Variants in KAZN observed in about 807,000 individuals in gnomAD.
The protein encoded by KAZN is kazrin.
A neutral mutation model predicts 87.4 loss-of-function variants in KAZN; 40 were observed. The observed-to-expected ratio is 0.46, with a 90% CI of 0.36 to 0.60. The LOEUF (loss-of-function observed/expected upper bound fraction) is 0.60. KAZN is among the 20% of genes least tolerant of loss of function. The pLI is 0.00. For missense variants in KAZN, 898 were observed against 1,073.9 expected (o/e 0.84, Z 2.29); for synonymous variants, 466 against 458.3 (o/e 1.02, Z -0.22).
chr1:14,638,500 C>T (rs1011848896), intron 1 of KAZN, among the ~76,000 whole-genome samples: 70 of 148,612 alleles, frequency 4.7e-4, no homozygotes, highest in African/African-American at 1.6e-3. Context: ...ACCTGGGAGG[C>T]GGAGGTTGCA....
intron 2 of KAZN, among the ~76,000 whole-genome samples, chr1:14,363,959 C>T (rs552974671): frequency 1.2e-4 from 15 of 126,880 alleles, no homozygotes; most frequent in South Asian, 5.5e-4. Context: ...AGAGCCTTTA[C>T]TCACAATATT....
At chr1:14,059,337 GC>G (rs761763195) in intron 1 of KAZN, among the ~76,000 whole-genome samples, 1 of 152,190 alleles carries the variant, frequency 6.6e-6, no homozygotes. Context: ...AGGCCTGAGA[GC>G]CCCTGGCAAA....
intron 2 of KAZN, among the ~76,000 whole-genome samples, chr1:14,203,296 A>G (rs1037752226): frequency 2.0e-5 from 3 of 152,134 alleles, no homozygotes; most frequent in Admixed American, 1.3e-4. Flanking sequence ...CTTCATTAGA[A>G]GTGGATAATA....
chr1:14,717,231 C>T (rs898910563), intron 1 of KAZN, among the ~76,000 whole-genome samples: 2 of 151,898 alleles, frequency 1.3e-5, no homozygotes, highest in African/African-American at 4.8e-5. Context: ...GTGTGTTCAT[C>T]TCATGTGTCC....
intron 1 of KAZN, among the ~76,000 whole-genome samples, chr1:14,016,654 C>T (rs1640588148): frequency 6.6e-6 from 1 of 152,132 alleles, no homozygotes; most frequent in Admixed American, 6.5e-5. Context: ...CCATAAGCTG[C>T]TCCCCAAATA....
chr1:14,396,260 A>T (rs574687205), intron 2 of KAZN, among the ~76,000 whole-genome samples: 1 of 152,100 alleles, frequency 6.6e-6, no homozygotes, highest in South Asian at 2.1e-4. Context: ...CTTAGAAAAG[A>T]TATCTACAAA....
intron 1 of KAZN, among the ~76,000 whole-genome samples, chr1:13,945,502 C>A (rs1194661511): frequency 6.8e-6 from 1 of 147,924 alleles, no homozygotes. Flanking sequence ...TAGAATTGAT[C>A]AGGAATGTGA....
intron 2 of KAZN, among the ~76,000 whole-genome samples, chr1:14,521,315 G>T (rs778889611): frequency 1.3e-5 from 2 of 152,200 alleles, no homozygotes; most frequent in African/African-American, 4.8e-5. Flanking sequence ...AAACAGAAAT[G>T]TCGCCCTCAC....
Position 14,162,824 on chromosome 1 carries a change from G to A in KAZN, c.92-17611G>A, listed in dbSNP as rs1409773721. ...CTCCCAAAGTGCTGGGATTACAGGC[G>A]TGAGCCACCACGCTTGGCCGGCTTT... On this transcript the variant is annotated intron_variant, in intron 1 of 16. Coordinates refer to the KAZN transcript ENST00000636203. Among the ~76,000 whole-genome samples, 16 of 152,226 alleles carry A rather than the reference G, an allele frequency of 1.1e-4. No individual in the cohort carries two copies. The East Asian group carries it at 2.1e-3, about 20-fold the overall frequency.
At chr1:14,681,707 C>T (rs1412788201) in intron 1 of KAZN, among the ~76,000 whole-genome samples, 3 of 100,550 alleles carry the variant, frequency 3.0e-5, no homozygotes, top group African/African-American at 1.2e-4. Flanking sequence ...GACGGAGTCT[C>T]GCTCTGTCGC....
At chr1:14,626,941 T>A (rs1679186776) in intron 1 of KAZN, among the ~76,000 whole-genome samples, 2 of 152,154 alleles carry the variant, frequency 1.3e-5, no homozygotes, top group South Asian at 4.1e-4. Context: ...ACTGTGCTCC[T>A]ACTGTGTGCC....
chr1:14,259,990 G>A (rs1355538548), intron 2 of KAZN, among the ~76,000 whole-genome samples: 1 of 152,126 alleles, frequency 6.6e-6, no homozygotes, highest in Non-Finnish European at 1.5e-5. Context: ...AATGGAACGG[G>A]GTTGTGGACT....
At chr1:15,030,304 G>C (rs1157227140) in intron 2 of KAZN, among the ~76,000 whole-genome samples, 1 of 152,056 alleles carries the variant, frequency 6.6e-6, no homozygotes, top group Non-Finnish European at 1.5e-5. Flanking sequence ...GTCTCACTCT[G>C]TCTCCCAGGT....
At chr1:14,460,997 C>A (rs573688528) in intron 2 of KAZN, among the ~76,000 whole-genome samples, 1 of 152,158 alleles carries the variant, frequency 6.6e-6, no homozygotes, top group African/African-American at 2.4e-5. Context: ...CTGGACCCTG[C>A]GCTGTCGTCT....
At chr1:14,897,787 G>C (rs951857847) in intron 1 of KAZN, among the ~76,000 whole-genome samples, 3 of 152,286 alleles carry the variant, frequency 2.0e-5, no homozygotes, top group Admixed American at 6.5e-5. Context: ...CCAGCCTTCT[G>C]CAGATGTGTG....
chr1:14,667,134 G>T (rs183204997), intron 1 of KAZN, among the ~76,000 whole-genome samples: 178 of 152,324 alleles, frequency 1.2e-3, no homozygotes, highest in African/African-American at 4.0e-3. Context: ...TGAGATTCCA[G>T]ATGGATGTGA....
chr1:14,796,751 C>T (rs564628136), intron 1 of KAZN, among the ~76,000 whole-genome samples: 1 of 152,314 alleles, frequency 6.6e-6, no homozygotes, highest in South Asian at 2.1e-4. Flanking sequence ...GCCCCCATCA[C>T]CTGAAGGAGT....
At chr1:14,101,607 A>G (rs536506906) in intron 1 of KAZN, among the ~76,000 whole-genome samples, 2 of 152,292 alleles carry the variant, frequency 1.3e-5, no homozygotes, top group Admixed American at 6.5e-5. Context: ...ACCTTTGGAC[A>G]TTTGTGTTGT....
In KAZN at chr1:15,096,881, T is replaced by C. The variant is rs1213848176; in HGVS notation, c.1547+1948T>C. 6.6e-6 allele frequency among the ~76,000 whole-genome samples: 1 copy of C among 152,106 alleles called. No individual in the cohort carries two copies. The highest frequency in any genetic ancestry group is 6.5e-5 in the Admixed American group (1 of 15,274). On this transcript the variant is annotated intron_variant, in intron 10 of 14. Transcript: ENST00000376030. This position sits in a 1 kb window ranked among gnomAD's most constrained non-coding sequence, Gnocchi z 4.5. The stretch of plus-strand genomic sequence containing the variant: ...GAAGGTTAGGATTTCAGCATGTGAA[T>C]TGGGTGGGGGGCATGGCAGAGGGAA...
Sources: gnomAD v4.1 joint callset for allele counts (sites outside exome capture counted in the v4.1 genomes callset) on GRCh38, gnomAD v4.1.1 for gene constraint, Gnocchi (gnomAD v3.1) non-coding constraint, MANE v1.5 for transcripts, NCBI Gene and HGNC (gene_info 2026-07-23, HGNC 2026-07-21) for gene names.